Variants in CEP68 observed in about 807,000 individuals in gnomAD.
The protein encoded by CEP68 is centrosomal protein 68, also known as centrosomal protein of 68 kDa.
A neutral mutation model predicts 55.3 loss-of-function variants in CEP68; 26 were observed. The ratio of observed to expected loss-of-function variants is 0.47; its 90% confidence interval spans 0.34 to 0.65. CEP68 has a LOEUF of 0.65. Among genes scored for constraint, CEP68 ranks in the 30% least tolerant of loss-of-function variants. CEP68 has a pLI of 0.01. For synonymous variants in CEP68, 402 were observed against 383.2 expected, an observed-to-expected ratio of 1.05 and a Z score of -0.57; for missense variants, 957 against 946.7, an observed-to-expected ratio of 1.01 and a Z score of -0.14.
Position 65,069,668 on chromosome 2 carries a change from C to T in CEP68, c.224C>T (p.Pro75Leu), listed in dbSNP as rs778115651. ...TGGATTGGGACTGACCCTGGCGGCCCCTCTAGAGCCCACCAGCCACAGGCC... is the reference window on the plus strand; with the variant it reads ...TGGATTGGGACTGACCCTGGCGGCCTCTCTAGAGCCCACCAGCCACAGGCC... ...TCWIGTDPGG[P>L]SRAHQPQASD... The change falls in exon 2 of 7, where the codon CCC (proline) becomes CTC (leucine). Residue 75 changes from proline to leucine, a missense_variant. Pro to Leu is a moderately conservative substitution (Grantham distance 98). Coordinates refer to ENST00000377990, the MANE Select transcript of CEP68 (RefSeq NM_015147.3). The T allele has an allele frequency of 3.8e-5, 61 of 1,614,016 alleles. No individual in the cohort carries two copies. In the East Asian group the frequency reaches 1.1e-3, roughly 30 times the overall value.
chr2:65,064,320 G>A (rs549168172), intron 1 of CEP68, among the ~76,000 whole-genome samples: 2 of 152,116 alleles, frequency 1.3e-5, no homozygotes, highest in Non-Finnish European at 2.9e-5. Flanking sequence ...TCAAAACAAA[G>A]GGATAATTTG....
intron 1 of CEP68, among the ~76,000 whole-genome samples, chr2:65,066,798 G>C (rs900603029): frequency 6.9e-6 from 1 of 145,536 alleles, no homozygotes; most frequent in African/African-American, 2.6e-5. Context: ...GCTGGGCATG[G>C]TGGCACATGC....
At chr2:65,080,394 A>AAACTT (rs1376903719) in intron 5 of CEP68, 4 of 985,200 alleles carry the variant, frequency 4.1e-6, no homozygotes, top group Middle Eastern at 5.2e-4. Context: ...AGCGGGTGCA[A>AAACTT]AACTTAACTT....
chr2:65,079,478 G>GT (rs1676909173), intron 5 of CEP68, among the ~76,000 whole-genome samples: 1 of 152,192 alleles, frequency 6.6e-6, no homozygotes, highest in Non-Finnish European at 1.5e-5. Context: ...TTTTCAGCAG[G>GT]TAAGTGATTC....
At chr2:65,081,900 T>C (rs530151922) in intron 5 of CEP68, among the ~76,000 whole-genome samples, 10 of 152,340 alleles carry the variant, frequency 6.6e-5, no homozygotes, top group Non-Finnish European at 1.2e-4. Context: ...TTTCTCCATG[T>C]TGGTCAGGCT....
At position 65,069,698 on chromosome 2, in the gene CEP68, AT is replaced by A; in HGVS notation, c.255del (p.Asp85GlufsTer7). 1.9e-6 allele frequency: 3 copies of A among 1,614,100 alleles called. No homozygotes were observed. The highest frequency in any genetic ancestry group is 2.5e-6 in the Non-Finnish European group (3 of 1,180,036). On this transcript the variant is annotated frameshift_variant, in exon 2 of 7. Coordinates refer to ENST00000377990, the MANE Select transcript of CEP68 (RefSeq NM_015147.3). LOFTEE classifies it high-confidence loss of function. The stretch of plus-strand genomic sequence containing the variant: ...AGAGCCCACCAGCCACAGGCCAGTG[AT>A]GCCAACAGAGAGCCCGTAGCTGAGA... The part of the protein sequence containing the change: ...PSRAHQPQAS[D>X]ANREPVAERS...
intron 1 of CEP68, among the ~76,000 whole-genome samples, chr2:65,061,280 T>G (rs1675902192): frequency 6.6e-6 from 1 of 152,182 alleles, no homozygotes; most frequent in Non-Finnish European, 1.5e-5. Flanking sequence ...AGCCAACAGA[T>G]AAGTGAGTGA....
intron 5 of CEP68, 136 bp from the exon 6 acceptor site, chr2:65,082,400 C>A: frequency 3.2e-6 from 2 of 618,418 alleles, no homozygotes; most frequent in Non-Finnish European, 4.9e-6. Flanking sequence ...TAAAAAAGGG[C>A]AGACATTCAG....
At chr2:65,062,923 A>AAAC (rs1303897250) in intron 1 of CEP68, among the ~76,000 whole-genome samples, 1 of 152,180 alleles carries the variant, frequency 6.6e-6, no homozygotes, top group Non-Finnish European at 1.5e-5. Flanking sequence ...TGAGGGGTTT[A>AAAC]GTCAAGAGCA....
intron 4 of CEP68, among the ~76,000 whole-genome samples, chr2:65,076,994 C>A (rs80279161): frequency 3.9e-5 from 2 of 51,622 alleles, no homozygotes; most frequent in Non-Finnish European, 7.2e-5. Flanking sequence ...TTTGACTTTA[C>A]CTTTTTTTTT....
chr2:65,082,767 C>A, intron 6 of CEP68, 58 bp downstream of exon 6: 1 of 1,388,726 alleles, frequency 7.2e-7, no homozygotes, highest in Non-Finnish European at 9.7e-7. Flanking sequence ...AACAGTTGGC[C>A]ACTACTTAGA....
chr2:65,083,298 A>G (rs1250607957), intron 6 of CEP68, among the ~76,000 whole-genome samples: 1 of 152,250 alleles, frequency 6.6e-6, no homozygotes, highest in Non-Finnish European at 1.5e-5. Flanking sequence ...TGGTAGTACA[A>G]CTTTCTTTTG....
intron 1 of CEP68, among the ~76,000 whole-genome samples, chr2:65,066,378 C>T (rs559676633): frequency 6.0e-5 from 9 of 150,326 alleles, no homozygotes; most frequent in African/African-American, 1.2e-4. Context: ...GGGTGGATCA[C>T]GAGGTCAGAA....
At position 65,081,293 on chromosome 2, in the gene CEP68, A is replaced by G. The variant is rs148210999; in HGVS notation, c.2105-1243A>G. On this transcript the variant is annotated intron_variant, in intron 5 of 6. Coordinates refer to ENST00000377990, the MANE Select transcript of CEP68 (RefSeq NM_015147.3). Reference sequence around the variant, plus strand: ...AAGCTTTACCGTGCGCCTGACTGCAATCCTCTGCCACACTCTGCCAACTCT... The same window carrying G: ...AAGCTTTACCGTGCGCCTGACTGCAGTCCTCTGCCACACTCTGCCAACTCT... 4.9e-3 allele frequency among the ~76,000 whole-genome samples: 737 copies of G among 151,934 alleles called. 7 individuals carry two copies. Among genetic ancestry groups the G allele is most frequent in the African/African-American group, 0.017 (685 of 41,444 alleles).
rs1669045789 is a variant in CEP68 at position 65,086,938 on chromosome 2, AC to A, written c.*3306del. The A allele has an allele frequency of 6.6e-6, 1 of 152,614 alleles. No homozygotes were observed. Among genetic ancestry groups the A allele is most frequent in the African/African-American group, 2.4e-5 (1 of 41,454 alleles). The allele number at this position is 152,614 out of a possible 1,614,324, so 9.5% of individuals were successfully genotyped here. A position where few individuals can be genotyped will look rare whatever the true frequency, so the allele number is the denominator to read the frequency against. ...GTCCATTTCATTTTACAATTATCTT[AC>A]CACTTATTTTTGTACCATGTATTTC... On this transcript the variant is annotated 3_prime_UTR_variant, in exon 7 of 7. Coordinates refer to ENST00000377990, the MANE Select transcript of CEP68 (RefSeq NM_015147.3).
chr2:65,072,172 C>T lies in CEP68; in HGVS notation c.1076C>T (p.Pro359Leu). ...ACTAATGTCTCCCCCAACTGCCCAC[C>T]AGCAGAGGCCACTGCCCTGCCATTT... The part of the protein sequence containing the change: ...SPTNVSPNCP[P>L]AEATALPFSG... Residue 359 changes from proline (P) to leucine (L), a missense_variant, in exon 3 of 7, where the codon CCA becomes CTA. Coordinates refer to ENST00000377990, the MANE Select transcript of CEP68 (RefSeq NM_015147.3). The T allele has an allele frequency of 3.7e-6, 6 of 1,614,106 alleles. No individual in the cohort carries two copies. The highest frequency in any genetic ancestry group is 5.1e-6 in the Non-Finnish European group (6 of 1,180,024).
rs114749990 is a variant in CEP68, at chr2:65,072,916, T to C, written c.1820T>C (p.Val607Ala). 2,117 of 1,614,104 alleles carry C rather than the reference T, an allele frequency of 1.3e-3. 20 individuals are homozygous for C. In the African/African-American group the frequency reaches 0.024, roughly 19 times the overall value. Residue 607 changes from valine (V) to alanine (A), a missense_variant, in exon 3 of 7, where the codon GTT (valine) becomes GCT (alanine). Transcript: ENST00000377990. ...CGGTGGCCATTCTCAGACCCAGATG[T>C]TGAAGGGCAGCTTCCCAGGAAAGGA... Reference protein sequence around the residue: ...LDRWPFSDPDVEGQLPRKGGE... With the variant: ...LDRWPFSDPDAEGQLPRKGGE...
chr2:65,068,426 T>G (rs1003428548), intron 1 of CEP68, among the ~76,000 whole-genome samples: 56 of 152,198 alleles, frequency 3.7e-4, no homozygotes, highest in Admixed American at 3.7e-3. Context: ...TGCTCTCATG[T>G]GCACACATGC....
chr2:65,073,021 CT>C, intron 3 of CEP68, 41 bp downstream of exon 3: 1 of 1,601,256 alleles, frequency 6.2e-7, no homozygotes, highest in Non-Finnish European at 8.6e-7. Flanking sequence ...GTACAGGTGT[CT>C]TGTCTCTTCC....
Sources: allele counts gnomAD v4.1 joint callset (sites outside exome capture counted in the v4.1 genomes callset), GRCh38; gene constraint gnomAD v4.1.1; transcripts MANE v1.5; gene names NCBI Gene and HGNC (gene_info 2026-07-23, HGNC 2026-07-21).